The following NALF1 variants were observed in gnomAD, a reference collection of about 807,000 sequenced individuals.
The protein encoded by NALF1 is NALCN channel auxiliary factor 1, also known as family with sequence similarity 155 member A.
NALF1 carries 3 observed loss-of-function variants against 48.4 expected under a neutral mutation model. The ratio of observed to expected loss-of-function variants is 0.06; its 90% confidence interval spans 0.03 to 0.16. The LOEUF (loss-of-function observed/expected upper bound fraction) is 0.16. NALF1 is among the 10% of genes least tolerant of loss of function. The pLI is 1.00. For missense variants in NALF1, 526 were observed against 571.5 expected, an observed-to-expected ratio of 0.92 and a Z score of 0.81; for synonymous variants, 262 against 245.7, an observed-to-expected ratio of 1.07 and a Z score of -0.62.
chr13:107,844,473 T>A (rs1031882371), intron 1 of NALF1, among the ~76,000 whole-genome samples: 2 of 152,178 alleles, frequency 1.3e-5, no homozygotes, highest in East Asian at 3.9e-4. Flanking sequence ...TGGATTCAGT[T>A]TTATTAAAAG....
intron 2 of NALF1, among the ~76,000 whole-genome samples, chr13:107,179,312 T>G (rs1031539202): frequency 6.6e-6 from 1 of 152,076 alleles, no homozygotes; most frequent in Non-Finnish European, 1.5e-5. Context: ...CCTAAAAAAT[T>G]AAAACGATTG....
intron 1 of NALF1, among the ~76,000 whole-genome samples, chr13:107,325,957 T>TACACACATATATACA (rs1432236859): frequency 6.8e-6 from 1 of 146,146 alleles, no homozygotes; most frequent in African/African-American, 2.5e-5. Context: ...TACATATATA[T>TACACACATATATACA]ACACACATAT....
At chr13:107,357,362 T>C (rs1466742793) in intron 1 of NALF1, among the ~76,000 whole-genome samples, 18 of 152,134 alleles carry the variant, frequency 1.2e-4, no homozygotes, top group Non-Finnish European at 2.9e-5. Context: ...TGAGGGAAAC[T>C]GCCCCCATGA....
intron 1 of NALF1, among the ~76,000 whole-genome samples, chr13:107,833,620 G>A (rs571028268): frequency 1.3e-5 from 2 of 151,960 alleles, no homozygotes; most frequent in South Asian, 2.1e-4. Context: ...CATTACAAAG[G>A]TGTCAAAAAC....
rs1341585867 is a variant in NALF1 at position 107,866,374 on chromosome 13, G to C, written c.223C>G (p.Gln75Glu). Reference protein sequence around the residue: ...TRARDKEHQQQQRQQQQQQQQ... With the variant: ...TRARDKEHQQEQRQQQQQQQQ... ...TGCTGCTGCTGCTGCTGCCGCTGCTGCTGCTGGTGCTCCTTGTCCCGGGCC... is the reference window on the plus strand; with the variant it reads ...TGCTGCTGCTGCTGCTGCCGCTGCTCCTGCTGGTGCTCCTTGTCCCGGGCC... The change falls in exon 1 of 3, where the codon CAG becomes GAG. Residue 75 changes from glutamine (Q) to glutamate (E), a missense_variant. Physicochemically the swap from Gln to Glu is conservative, Grantham distance 29 (BLOSUM62 2). Transcript: ENST00000375915. The surrounding 1 kb of genome is among the most constrained non-coding windows in gnomAD (Gnocchi z 4.4). 1.4e-6 allele frequency: 2 copies of C among 1,479,272 alleles called. No individual in the cohort carries two copies. The highest frequency in any genetic ancestry group is 1.4e-5 in the African/African-American group (1 of 73,768). The allele number at this position is 1,479,272 out of a possible 1,614,324, so 91.6% of individuals were successfully genotyped here.
At chr13:107,289,690 G>C (rs995925404) in intron 1 of NALF1, among the ~76,000 whole-genome samples, 1 of 152,096 alleles carries the variant, frequency 6.6e-6, no homozygotes, top group Admixed American at 6.5e-5. Context: ...TGAAATCCAC[G>C]AGTCTCCATC....
intron 1 of NALF1, among the ~76,000 whole-genome samples, chr13:107,413,869 C>T (rs1365529335): frequency 6.6e-6 from 1 of 152,156 alleles, no homozygotes; most frequent in Admixed American, 6.5e-5. Context: ...TCACTGTAAC[C>T]TCTGCTTCTT....
chr13:107,521,960 C>CAG (rs1395247058), intron 1 of NALF1, among the ~76,000 whole-genome samples: 1 of 151,760 alleles, frequency 6.6e-6, no homozygotes, highest in East Asian at 1.9e-4. Flanking sequence ...CACACACACA[C>CAG]AGAAACACAC....
At chr13:107,490,983 C>T (rs1043037641) in intron 1 of NALF1, among the ~76,000 whole-genome samples, 8 of 152,152 alleles carry the variant, frequency 5.3e-5, no homozygotes, top group Non-Finnish European at 1.2e-4. Context: ...GTATCTTCCA[C>T]ATTCAACTGA....
At chr13:107,352,438 T>C (rs191896021) in intron 1 of NALF1, among the ~76,000 whole-genome samples, 9 of 152,282 alleles carry the variant, frequency 5.9e-5, no homozygotes, top group Non-Finnish European at 1.0e-4. Flanking sequence ...ATAGGCTCAG[T>C]GGCTTAAATC....
chr13:107,773,136 G>A (rs574300649), intron 1 of NALF1, among the ~76,000 whole-genome samples: 2 of 152,296 alleles, frequency 1.3e-5, no homozygotes, highest in South Asian at 4.1e-4. Context: ...ACTAAGGTAA[G>A]CAGTATATTG....
chr13:107,314,045 A>G (rs991875469), intron 1 of NALF1, among the ~76,000 whole-genome samples: 7 of 152,136 alleles, frequency 4.6e-5, no homozygotes, highest in African/African-American at 1.7e-4. Context: ...TTGGTTCACA[A>G]TAACTACAAC....
chr13:107,691,161 C>T (rs1362502501), intron 1 of NALF1, among the ~76,000 whole-genome samples: 1 of 152,118 alleles, frequency 6.6e-6, no homozygotes, highest in Non-Finnish European at 1.5e-5. Flanking sequence ...AAGATGAAGG[C>T]AGAGATTGAG....
At chr13:107,815,687 G>T (rs1879143183) in intron 1 of NALF1, among the ~76,000 whole-genome samples, 1 of 152,038 alleles carries the variant, frequency 6.6e-6, no homozygotes, top group African/African-American at 2.4e-5. Context: ...CCTGTTCTTG[G>T]ATATTCACAG....
At chr13:107,852,648 C>T (rs1049786885) in intron 1 of NALF1, among the ~76,000 whole-genome samples, 2 of 152,156 alleles carry the variant, frequency 1.3e-5, no homozygotes, top group African/African-American at 4.8e-5. Flanking sequence ...TTCATGTGCT[C>T]ATTCCACAAG....
chr13:107,809,021 A>C (rs912405987), intron 1 of NALF1, among the ~76,000 whole-genome samples: 1 of 152,072 alleles, frequency 6.6e-6, no homozygotes, highest in Non-Finnish European at 1.5e-5. Context: ...TTTCAGTGAA[A>C]ACCTATGACT....
chr13:107,263,956 T>C (rs973081993), intron 1 of NALF1, among the ~76,000 whole-genome samples: 1 of 152,206 alleles, frequency 6.6e-6, no homozygotes, highest in Non-Finnish European at 1.5e-5. Flanking sequence ...AATCTTTTGG[T>C]TGTGTTGGAA....
intron 1 of NALF1, among the ~76,000 whole-genome samples, chr13:107,291,816 T>C (rs971595084): frequency 7.2e-5 from 11 of 152,200 alleles, no homozygotes; most frequent in African/African-American, 2.4e-4. Context: ...TAAAATGAAA[T>C]GTTTTGTTTA....
At chr13:107,848,138 G>A (rs1464335366) in intron 1 of NALF1, among the ~76,000 whole-genome samples, 1 of 152,154 alleles carries the variant, frequency 6.6e-6, no homozygotes, top group Non-Finnish European at 1.5e-5. Context: ...TTTTGTTGCT[G>A]ATTACAACAC....
Sources: gnomAD v4.1 joint callset for allele counts (sites outside exome capture counted in the v4.1 genomes callset) on GRCh38, gnomAD v4.1.1 for gene constraint, Gnocchi (gnomAD v3.1) non-coding constraint, MANE v1.5 for transcripts, NCBI Gene and HGNC (gene_info 2026-07-23, HGNC 2026-07-21) for gene names.